The following WWOX variants were observed in gnomAD, a reference collection of about 807,000 sequenced individuals.
The protein encoded by WWOX is WW domain containing oxidoreductase.
A neutral mutation model predicts 46.2 loss-of-function variants in WWOX; 69 were observed. The ratio of observed to expected loss-of-function variants is 1.49; its 90% confidence interval spans 1.23 to 1.82. WWOX has a LOEUF of 1.82. Among genes scored for constraint, WWOX ranks in the 40% most tolerant of loss-of-function variants. The probability of loss-of-function intolerance (pLI) is 0.00; values close to 1 mark genes in which losing one functional copy is unlikely to be tolerated. For missense variants in WWOX, 919 were observed against 542.6 expected (o/e 1.69, Z -6.89); for synonymous variants, 359 against 202.6 (o/e 1.77, Z -6.56).
At chr16:78,732,950 A>C (rs117075247) in intron 8 of WWOX, among the ~76,000 whole-genome samples, 1 of 152,110 alleles carries the variant, frequency 6.6e-6, no homozygotes, top group African/African-American at 2.4e-5. Flanking sequence ...AGCATTACTG[A>C]GCTCGAGTGG....
intron 8 of WWOX, among the ~76,000 whole-genome samples, chr16:79,113,782 C>T (rs573739540): frequency 6.6e-6 from 1 of 152,294 alleles, no homozygotes; most frequent in East Asian, 1.9e-4. Context: ...TTAAGGAGGG[C>T]AAAGGAGAGA....
chr16:78,445,906 G>GT (rs2083549743), intron 8 of WWOX, among the ~76,000 whole-genome samples: 1 of 150,718 alleles, frequency 6.6e-6, no homozygotes, highest in South Asian at 2.2e-4. Context: ...GGGGAGGGGG[G>GT]AAAGAAGAGA....
chr16:78,914,092 A>T (rs2045183002), intron 8 of WWOX, among the ~76,000 whole-genome samples: 1 of 152,028 alleles, frequency 6.6e-6, no homozygotes, highest in Admixed American at 6.6e-5. Context: ...TATCATTCTG[A>T]TGTAGGGAGG....
rs540168196 is a variant in WWOX, at chr16:78,348,851, C to G, written c.517-38009C>G. ...ATATAAGAGAAAGAAAGACTTGTAT[C>G]TGTTGTTAGTGAGTTTTTGTGGTGG... On this transcript the variant is annotated intron_variant, in intron 5 of 8. Transcript: ENST00000566780. Among the ~76,000 whole-genome samples the G allele has an allele frequency of 1.7e-5, 2 of 119,996 alleles. 1 individual carries two copies. The highest frequency in any genetic ancestry group is 4.0e-5 in the Non-Finnish European group (2 of 50,386). The allele number at this position is 119,996 out of a possible 152,430, so 78.7% of individuals were successfully genotyped here.
intron 8 of WWOX, among the ~76,000 whole-genome samples, chr16:78,625,541 A>G (rs560726381): frequency 9.9e-5 from 15 of 152,268 alleles, no homozygotes; most frequent in African/African-American, 2.9e-4. Context: ...CCATGTGTGT[A>G]ACAGCCAGTT....
At chr16:78,380,297 C>T (rs903569701) in intron 5 of WWOX, among the ~76,000 whole-genome samples, 6 of 152,258 alleles carry the variant, frequency 3.9e-5, no homozygotes, top group South Asian at 2.1e-4. Flanking sequence ...TGAAATCTTG[C>T]GTTGGGCTGA....
rs144931821 is a variant in WWOX, at chr16:79,012,358, G to C, written c.1057-199250G>C. Among the ~76,000 whole-genome samples the C allele has an allele frequency of 6.8e-3, 1,028 of 152,056 alleles. 9 individuals are homozygous for C. Among genetic ancestry groups the C allele is most frequent in the Admixed American group, 0.012 (176 of 15,266 alleles). On this transcript the variant is annotated intron_variant, in intron 8 of 8. Coordinates refer to ENST00000566780, the MANE Select transcript of WWOX (RefSeq NM_016373.4). ...AGTAATTCTCCTACCTCAGCCTCCCGAGTAGCTGAGATTACAGGTGTCTGC... is the reference window on the plus strand; with the variant it reads ...AGTAATTCTCCTACCTCAGCCTCCCCAGTAGCTGAGATTACAGGTGTCTGC...
At chr16:79,174,884 C>G (rs2050770127) in intron 8 of WWOX, among the ~76,000 whole-genome samples, 1 of 152,192 alleles carries the variant, frequency 6.6e-6, no homozygotes. Context: ...TAGATGCCAT[C>G]TTGCATAAAT....
chr16:78,406,297 AATATAAATATATAT>A (rs1663129847), intron 6 of WWOX, among the ~76,000 whole-genome samples: 5 of 74,062 alleles, frequency 6.8e-5, no homozygotes, highest in Non-Finnish European at 1.2e-4. Flanking sequence ...ACAGCATATA[AATATAAATATATAT>A]ATATATATAT....
intron 8 of WWOX, among the ~76,000 whole-genome samples, chr16:78,721,206 T>C (rs995442479): frequency 1.3e-5 from 2 of 152,108 alleles, no homozygotes; most frequent in Non-Finnish European, 2.9e-5. Context: ...CATTATACTT[T>C]CTACAGTATC....
intron 8 of WWOX, among the ~76,000 whole-genome samples, chr16:78,893,192 A>AG (rs944842569): frequency 1.3e-5 from 2 of 148,868 alleles, no homozygotes; most frequent in African/African-American, 4.9e-5. Context: ...GACTATAGCT[A>AG]GAAAAAAAAA....
At chr16:78,625,279 C>T (rs952531140) in intron 8 of WWOX, among the ~76,000 whole-genome samples, 3 of 152,160 alleles carry the variant, frequency 2.0e-5, no homozygotes, top group African/African-American at 4.8e-5. Context: ...CTCTGTGGTT[C>T]CCCTGACTGA....
intron 8 of WWOX, among the ~76,000 whole-genome samples, chr16:78,440,325 T>C (rs1380769424): frequency 6.6e-6 from 1 of 152,148 alleles, no homozygotes; most frequent in Non-Finnish European, 1.5e-5. Context: ...GCTCTTTCTT[T>C]CCTTAGGGTT....
At chr16:78,140,968 C>T (rs944237764) in intron 4 of WWOX, among the ~76,000 whole-genome samples, 1 of 152,202 alleles carries the variant, frequency 6.6e-6, no homozygotes, top group Non-Finnish European at 1.5e-5. Flanking sequence ...CAGCTCTGCT[C>T]TAGGACCTGG....
chr16:78,665,422 C>T (rs1030037535), intron 8 of WWOX, among the ~76,000 whole-genome samples: 4 of 152,046 alleles, frequency 2.6e-5, no homozygotes, highest in African/African-American at 9.7e-5. Flanking sequence ...ATTGAGTTTT[C>T]CCTCTCCATC....
At chr16:78,210,297 AGG>A (rs2036518135) in intron 5 of WWOX, among the ~76,000 whole-genome samples, 1 of 152,220 alleles carries the variant, frequency 6.6e-6, no homozygotes, top group African/African-American at 2.4e-5. Context: ...TGTATTTAAC[AGG>A]GAAGCATCGG....
chr16:78,144,291 T>G (rs2151710817), intron 4 of WWOX, among the ~76,000 whole-genome samples: 1 of 150,424 alleles, frequency 6.6e-6, no homozygotes, highest in South Asian at 2.1e-4. Flanking sequence ...TCAGTACAAA[T>G]TTTTAGGTTT....
At chr16:78,524,837 A>G (rs1377591856) in intron 8 of WWOX, among the ~76,000 whole-genome samples, 3 of 93,934 alleles carry the variant, frequency 3.2e-5, no homozygotes, top group African/African-American at 7.5e-5. Context: ...TTTTTTTTTT[A>G]AAGAATGCGT....
chr16:78,359,648 G>A (rs927320706), intron 5 of WWOX, among the ~76,000 whole-genome samples: 1 of 152,168 alleles, frequency 6.6e-6, no homozygotes, highest in East Asian at 1.9e-4. Context: ...AAAAGCTACA[G>A]AGATACCGTA....
Sources: gnomAD v4.1 joint callset for allele counts (sites outside exome capture counted in the v4.1 genomes callset) on GRCh38, gnomAD v4.1.1 for gene constraint, MANE v1.5 for transcripts, NCBI Gene and HGNC (gene_info 2026-07-23, HGNC 2026-07-21) for gene names.